RBFOX1: variants seen among roughly 807,000 people sequenced by gnomAD.
RBFOX1 encodes the protein RNA binding protein fox-1 homolog 1.
In RBFOX1, 8 loss-of-function variants were observed where a neutral mutation model predicts 57.7. That is an observed-to-expected ratio of 0.14 (90% CI 0.08 to 0.25). The LOEUF (loss-of-function observed/expected upper bound fraction) is 0.25. Among genes scored for constraint, RBFOX1 ranks in the 10% least tolerant of loss-of-function variants. The pLI, the probability that RBFOX1 is intolerant of heterozygous loss-of-function variation, is 1.00. For synonymous variants in RBFOX1, 326 were observed against 222.4 expected (o/e 1.47, Z -4.15); for missense variants, 611 against 548.5 (o/e 1.11, Z -1.14).
At chr16:6,955,348 GCACACACACA>G (rs34550051) in intron 3 of RBFOX1, among the ~76,000 whole-genome samples, 21 of 150,338 alleles carry the variant, frequency 1.4e-4, no homozygotes, top group African/African-American at 4.6e-4. Flanking sequence ...CCCCACATAT[GCACACACACA>G]CACACACACA....
chr16:6,691,965 T>C (rs1290250258), intron 3 of RBFOX1, among the ~76,000 whole-genome samples: 1 of 152,118 alleles, frequency 6.6e-6, no homozygotes, highest in African/African-American at 2.4e-5. Context: ...CTTTTGAAGC[T>C]GGAAAAGTTA....
At chr16:5,766,953 C>G (rs921962625) in intron 3 of RBFOX1, among the ~76,000 whole-genome samples, 2 of 152,180 alleles carry the variant, frequency 1.3e-5, no homozygotes, top group African/African-American at 4.8e-5. Context: ...ATAATGAGCT[C>G]TTTACATTTA....
chr16:6,109,153 C>T (rs1172038366), intron 1 of RBFOX1, among the ~76,000 whole-genome samples: 2 of 152,118 alleles, frequency 1.3e-5, no homozygotes, highest in African/African-American at 4.8e-5. Context: ...TCAGTGGGGG[C>T]GTTTTCTGAA....
intron 1 of RBFOX1, among the ~76,000 whole-genome samples, chr16:5,371,322 G>A (rs1342833644): frequency 6.6e-6 from 1 of 152,166 alleles, no homozygotes; most frequent in Non-Finnish European, 1.5e-5. Flanking sequence ...TCTGACTAGT[G>A]TTCTGATAAA....
intron 3 of RBFOX1, among the ~76,000 whole-genome samples, chr16:5,692,423 C>T (rs1352776108): frequency 1.3e-5 from 2 of 152,014 alleles, no homozygotes; most frequent in African/African-American, 4.8e-5. Context: ...TTCTGCTAAC[C>T]ACTGGGGAAG....
At chr16:5,753,566 C>T (rs1432846671) in intron 3 of RBFOX1, among the ~76,000 whole-genome samples, 6 of 152,108 alleles carry the variant, frequency 3.9e-5, no homozygotes, top group Admixed American at 6.5e-5. Context: ...CTGCAGCCAG[C>T]TTGTATTGGC....
chr16:6,120,240 A>G (rs75026688), intron 1 of RBFOX1, among the ~76,000 whole-genome samples: 5,875 of 152,230 alleles, frequency 0.039, 196 homozygotes, highest in African/African-American at 0.081. Flanking sequence ...ATGAATATTT[A>G]TGGAGAAGTA....
At chr16:7,238,132 T>C (rs1334203572) in intron 4 of RBFOX1, among the ~76,000 whole-genome samples, 3 of 152,164 alleles carry the variant, frequency 2.0e-5, no homozygotes, top group African/African-American at 7.2e-5. Context: ...GTGCCCATAG[T>C]TGTCAAATTC....
chr16:6,249,925 C>T (rs886241117), intron 1 of RBFOX1, among the ~76,000 whole-genome samples: 13 of 152,034 alleles, frequency 8.6e-5, no homozygotes, highest in African/African-American at 3.1e-4. Flanking sequence ...TCCCTCCCCA[C>T]TCCCCCTACC....
At chr16:5,591,562 T>C (rs1567269201) in intron 2 of RBFOX1, among the ~76,000 whole-genome samples, 1 of 152,190 alleles carries the variant, frequency 6.6e-6, no homozygotes, top group Non-Finnish European at 1.5e-5. Context: ...AAAATGAGCC[T>C]TTTAAAAAAT....
At chr16:5,518,347 A>G (rs945317983) in intron 2 of RBFOX1, among the ~76,000 whole-genome samples, 2 of 133,300 alleles carry the variant, frequency 1.5e-5, no homozygotes, top group African/African-American at 5.5e-5. Flanking sequence ...TCAATCTCCA[A>G]AGTGACATTT....
At chr16:7,085,910 T>C (rs1220950284) in intron 4 of RBFOX1, among the ~76,000 whole-genome samples, 2 of 152,162 alleles carry the variant, frequency 1.3e-5, no homozygotes, top group Non-Finnish European at 2.9e-5. Flanking sequence ...GTGATTCGGT[T>C]CTTGATGCTC....
At chr16:5,779,391 C>T (rs1021140689) in intron 3 of RBFOX1, among the ~76,000 whole-genome samples, 38 of 152,304 alleles carry the variant, frequency 2.5e-4, no homozygotes, top group Non-Finnish European at 5.0e-4. Context: ...CAGATGATCA[C>T]CCGAGCTGTA....
At chr16:5,477,096 C>G (rs2069352289) in intron 2 of RBFOX1, among the ~76,000 whole-genome samples, 6 of 152,316 alleles carry the variant, frequency 3.9e-5, no homozygotes, top group African/African-American at 1.2e-4. Flanking sequence ...TCACAGCAGC[C>G]TCGACCTCCT....
intron 3 of RBFOX1, among the ~76,000 whole-genome samples, chr16:6,700,981 C>G (rs981429479): frequency 6.6e-6 from 1 of 151,904 alleles, no homozygotes; most frequent in East Asian, 1.9e-4. Flanking sequence ...GTACCAGATG[C>G]TTATGAGGGA....
At chr16:7,683,649 C>G (rs1433633713) in intron 14 of RBFOX1, among the ~76,000 whole-genome samples, 1 of 152,020 alleles carries the variant, frequency 6.6e-6, no homozygotes, top group African/African-American at 2.4e-5. Context: ...CCTAATTACA[C>G]ACTTTTTAGG....
intron 3 of RBFOX1, among the ~76,000 whole-genome samples, chr16:5,780,982 G>A (rs369384871): frequency 2.0e-5 from 3 of 152,192 alleles, no homozygotes; most frequent in Admixed American, 6.5e-5. Flanking sequence ...GCGGGGTCCC[G>A]CTGGGAGAGG....
chr16:6,082,757 G>A (rs752530359), intron 1 of RBFOX1, among the ~76,000 whole-genome samples: 1 of 152,096 alleles, frequency 6.6e-6, no homozygotes, highest in Non-Finnish European at 1.5e-5. Context: ...TAGGGCTGAG[G>A]CAGGAAGAGA....
At chr16:6,266,075 G>A (rs768094726) in intron 1 of RBFOX1, among the ~76,000 whole-genome samples, 2 of 152,130 alleles carry the variant, frequency 1.3e-5, no homozygotes, top group Admixed American at 1.3e-4. Flanking sequence ...CTAATGAAAC[G>A]TGGGGGAAGT....
Sources: allele counts gnomAD v4.1 joint callset (sites outside exome capture counted in the v4.1 genomes callset), GRCh38; gene constraint gnomAD v4.1.1; transcripts MANE v1.5; gene names NCBI Gene and HGNC (gene_info 2026-07-23, HGNC 2026-07-21).